TTC3: variants seen among roughly 807,000 people sequenced by gnomAD.
TTC3 encodes E3 ubiquitin-protein ligase TTC3.
A neutral mutation model predicts 249.6 loss-of-function variants in TTC3; 180 were observed. The ratio of observed to expected loss-of-function variants is 0.72; its 90% CI spans 0.64 to 0.82. The LOEUF (loss-of-function observed/expected upper bound fraction) is 0.82, where lower values mean the gene tolerates loss of function less well. Ranked by LOEUF, TTC3 falls within the 40% of genes least tolerant of loss-of-function variation. The probability of loss-of-function intolerance (pLI) is 0.00; values close to 1 mark genes in which losing one functional copy is unlikely to be tolerated. For missense variants in TTC3, 2,061 were observed against 2,398.4 expected, an observed-to-expected ratio of 0.86 and a Z score of 2.94; for synonymous variants, 717 against 805.0, an observed-to-expected ratio of 0.89 and a Z score of 1.85.
intron 5 of TTC3, among the ~76,000 whole-genome samples, chr21:37,089,827 T>TA (rs2073007811): frequency 6.6e-6 from 1 of 152,034 alleles, no homozygotes; most frequent in Non-Finnish European, 1.5e-5. Context: ...CTACTAAAAA[T>TA]ACAAAAATTA....
chr21:37,160,040 C>T (rs1197579220), intron 29 of TTC3, among the ~76,000 whole-genome samples: 1 of 152,174 alleles, frequency 6.6e-6, no homozygotes, highest in Non-Finnish European at 1.5e-5. Flanking sequence ...CATCTCCTGG[C>T]ATAAAAATGA....
intron 19 of TTC3, 101 bp downstream of exon 19, chr21:37,138,815 G>A (rs1249425002): frequency 4.2e-6 from 3 of 706,384 alleles, no homozygotes; most frequent in Non-Finnish European, 6.6e-6. Flanking sequence ...TGTACCTTCT[G>A]ATAATTTTGT....
intron 11 of TTC3, among the ~76,000 whole-genome samples, chr21:37,111,712 G>A (rs1447504554): frequency 2.6e-5 from 4 of 151,942 alleles, no homozygotes; most frequent in African/African-American, 9.7e-5. Context: ...ATAGACATCT[G>A]CAGAACTCTC....
intron 35 of TTC3, among the ~76,000 whole-genome samples, chr21:37,177,750 G>A (rs2082399812): frequency 6.6e-6 from 1 of 152,102 alleles, no homozygotes; most frequent in African/African-American, 2.4e-5. Context: ...TTGCTTACAG[G>A]CCTTTGTTAA....
intron 30 of TTC3, among the ~76,000 whole-genome samples, chr21:37,161,158 A>G (rs1043820272): frequency 6.6e-6 from 1 of 152,192 alleles, no homozygotes; most frequent in Non-Finnish European, 1.5e-5. Flanking sequence ...CAAAAAATAG[A>G]TAACATATTT....
chr21:37,080,610 A>C (rs1341140698), intron 1 of TTC3, among the ~76,000 whole-genome samples: 1 of 152,184 alleles, frequency 6.6e-6, no homozygotes, highest in Admixed American at 6.5e-5. Flanking sequence ...CTGTAGTTCT[A>C]ACAATTTTTG....
intron 20 of TTC3, among the ~76,000 whole-genome samples, chr21:37,141,470 TAAAG>T (rs1014938906): frequency 6.6e-6 from 1 of 151,924 alleles, no homozygotes; most frequent in Non-Finnish European, 1.5e-5. Context: ...TTTTTTAAAT[TAAAG>T]AAAGTTTTTT....
rs764462113 is a variant in TTC3, at chr21:37,096,568, G to T, written c.783-13G>T. On this transcript the variant is annotated splice_polypyrimidine_tract_variant and intron_variant, in intron 9 of 45. Transcript: ENST00000355666. ...TAATGTGCTTTACTGACTAAACATT[G>T]TATCTTTTTAAGACCTGAAAACTAC... 1.9e-6 allele frequency: 3 copies of T among 1,596,718 alleles called. No homozygotes were observed. The highest frequency in any genetic ancestry group is 1.1e-5 in the South Asian group (1 of 89,366).
At chr21:37,080,284 T>A (rs1004722506) in intron 1 of TTC3, among the ~76,000 whole-genome samples, 2 of 152,174 alleles carry the variant, frequency 1.3e-5, no homozygotes, top group African/African-American at 4.8e-5. Flanking sequence ...TAGACATTTT[T>A]AAATTTTCAA....
exon 46 of TTC3, chr21:37,202,831 G>C (rs1404971326): frequency 6.6e-6 from 1 of 152,176 alleles, no homozygotes; most frequent in Non-Finnish European, 1.5e-5. Flanking sequence ...TTTGTTCACT[G>C]TGAGTTCTGA....
chr21:37,159,467 G>A (rs1454444498), intron 28 of TTC3: 1 of 509,744 alleles, frequency 2.0e-6, no homozygotes, highest in Non-Finnish European at 3.5e-6. Context: ...GTACCTAGAA[G>A]GCACTCAACA....
chr21:37,095,996 G>T (rs964864399), intron 9 of TTC3, among the ~76,000 whole-genome samples: 6 of 152,162 alleles, frequency 3.9e-5, no homozygotes, highest in Admixed American at 6.5e-5. Context: ...TTTGAAGGGT[G>T]CTCTGTAGCC....
At chr21:37,108,202 T>C (rs756501597) in intron 10 of TTC3, 190 bp from the exon 11 acceptor site, 71 of 493,804 alleles carry the variant, frequency 1.4e-4, no homozygotes, top group Non-Finnish European at 1.9e-4. Flanking sequence ...GGTGACTTTT[T>C]CCCTTTGTTT....
At chr21:37,102,466 G>T (rs2074607178) in intron 10 of TTC3, among the ~76,000 whole-genome samples, 1 of 152,202 alleles carries the variant, frequency 6.6e-6, no homozygotes, top group African/African-American at 2.4e-5. Context: ...GGAAAAGACA[G>T]GCAAATGGTG....
chr21:37,130,186 C>G (rs761198152), intron 16 of TTC3, among the ~76,000 whole-genome samples: 5 of 151,964 alleles, frequency 3.3e-5, no homozygotes, highest in Admixed American at 6.6e-5. Flanking sequence ...TCAGTGAAGT[C>G]TCATTTCTTT....
chr21:37,087,010 A>G, intron 1 of TTC3: 1 of 488,294 alleles, frequency 2.0e-6, no homozygotes, highest in Non-Finnish European at 3.6e-6. Flanking sequence ...AACTTAGAGT[A>G]GAGATGGTGA....
intron 11 of TTC3, among the ~76,000 whole-genome samples, chr21:37,120,342 GA>G (rs2076483119): frequency 6.6e-6 from 1 of 152,144 alleles, no homozygotes; most frequent in South Asian, 2.1e-4. Context: ...CAACTAACAG[GA>G]GTTACATTAT....
At chr21:37,178,653 T>A (rs2148135463) in intron 35 of TTC3, among the ~76,000 whole-genome samples, 1 of 152,330 alleles carries the variant, frequency 6.6e-6, no homozygotes, top group East Asian at 1.9e-4. Flanking sequence ...TTTGTCTTTC[T>A]ATTATTGACT....
chr21:37,098,983 G>C lies in TTC3; in HGVS notation c.845+2340G>C, dbSNP rs558536780. ...AGCATCCACCCTCCCCCAGTTTGGC[G>C]AGGATGCACTCCTCAGCTGTTCTGG... On this transcript the variant is annotated intron_variant, in intron 10 of 45. Coordinates refer to ENST00000355666, the Ensembl canonical transcript of TTC3. 3.3e-5 allele frequency: 5 copies of C among 152,268 alleles called. No homozygotes were observed. The South Asian group carries it at 1.0e-3, about 31-fold the overall frequency. 9.4% of individuals were successfully genotyped at this position (152,268 alleles called of 1,614,324 possible).
Sources: gnomAD v4.1 joint callset for allele counts (sites outside exome capture counted in the v4.1 genomes callset) on GRCh38, gnomAD v4.1.1 for gene constraint, MANE v1.5 for transcripts, NCBI Gene and HGNC (gene_info 2026-07-23, HGNC 2026-07-21) for gene names.